NRG3: variants seen among roughly 807,000 people sequenced by gnomAD.
NRG3 encodes neuregulin 3.
A neutral mutation model predicts 66.9 loss-of-function variants in NRG3; 31 were observed. The ratio of observed to expected loss-of-function variants is 0.46; its 90% CI spans 0.35 to 0.63. NRG3 has a LOEUF of 0.63. Ranked by LOEUF, NRG3 falls within the 20% of genes least tolerant of loss-of-function variation. The pLI, the probability that NRG3 is intolerant of heterozygous loss-of-function variation, is 0.00. For synonymous variants in NRG3, 393 were observed against 359.4 expected (o/e 1.09, Z -1.06); for missense variants, 910 against 878.9 (o/e 1.04, Z -0.45).
chr10:82,644,960 A>G (rs1213645971), intron 2 of NRG3, among the ~76,000 whole-genome samples: 1 of 152,138 alleles, frequency 6.6e-6, no homozygotes, highest in South Asian at 2.1e-4. Context: ...GGTGAACTCT[A>G]CTAGACGATG....
chr10:81,933,107 CAAAA>C (rs769607380), intron 1 of NRG3, among the ~76,000 whole-genome samples: 1 of 59,512 alleles, frequency 1.7e-5, no homozygotes, highest in African/African-American at 5.1e-5. Context: ...CGCTCCATCT[CAAAA>C]AAAAAAAAAA....
At chr10:82,703,892 A>G (rs1270211933) in intron 2 of NRG3, among the ~76,000 whole-genome samples, 1 of 152,082 alleles carries the variant, frequency 6.6e-6, no homozygotes, top group Non-Finnish European at 1.5e-5. Context: ...ACTGTATTCC[A>G]TACTGTTATT....
intron 1 of NRG3, among the ~76,000 whole-genome samples, chr10:82,105,223 T>C (rs552712570): frequency 7.2e-5 from 11 of 152,282 alleles, no homozygotes; most frequent in African/African-American, 2.6e-4. Context: ...ATTATAGAAT[T>C]GGCAGATTCA....
intron 2 of NRG3, among the ~76,000 whole-genome samples, chr10:82,601,829 G>T (rs1254152509): frequency 1.4e-5 from 2 of 144,596 alleles, no homozygotes; most frequent in Non-Finnish European, 3.0e-5. Flanking sequence ...GGGCAACACA[G>T]TAAGACAACC....
At chr10:82,148,508 A>AT (rs1213856483) in intron 1 of NRG3, among the ~76,000 whole-genome samples, 10 of 150,782 alleles carry the variant, frequency 6.6e-5, no homozygotes, top group Admixed American at 5.3e-4. Flanking sequence ...ATCTTGTCTT[A>AT]TTTTTTTTTC....
chr10:81,941,413 T>C (rs1173618190), intron 1 of NRG3, among the ~76,000 whole-genome samples: 2 of 152,162 alleles, frequency 1.3e-5, no homozygotes, highest in Non-Finnish European at 2.9e-5. Context: ...GAGAGGAAGA[T>C]GGATGATTCT....
intron 1 of NRG3, among the ~76,000 whole-genome samples, chr10:82,296,890 G>A (rs1040038740): frequency 6.6e-6 from 1 of 151,946 alleles, no homozygotes; most frequent in African/African-American, 2.4e-5. Context: ...AACAGTGAAC[G>A]TAGTACCCAG....
At chr10:82,078,764 A>G (rs1284207619) in intron 1 of NRG3, among the ~76,000 whole-genome samples, 1 of 152,220 alleles carries the variant, frequency 6.6e-6, no homozygotes, top group East Asian at 1.9e-4. Flanking sequence ...GAAGTATTTC[A>G]TGATGCGAAA....
At chr10:82,670,527 T>G (rs1273037650) in intron 2 of NRG3, among the ~76,000 whole-genome samples, 1 of 152,160 alleles carries the variant, frequency 6.6e-6, no homozygotes, top group African/African-American at 2.4e-5. Context: ...CTGCTCTTTA[T>G]CAAACCTGTA....
intron 1 of NRG3, among the ~76,000 whole-genome samples, chr10:82,112,499 C>T (rs371972714): frequency 3.9e-5 from 6 of 152,214 alleles, no homozygotes; most frequent in Non-Finnish European, 7.4e-5. Flanking sequence ...TTAAACTCCA[C>T]AGGAGGCAGT....
At chr10:82,786,488 C>G (rs7894932) in intron 3 of NRG3, among the ~76,000 whole-genome samples, 6 of 152,074 alleles carry the variant, frequency 3.9e-5, no homozygotes, top group Admixed American at 2.0e-4. Context: ...GCCTGCCCCC[C>G]CATTGTGTTT....
chr10:81,929,242 A>G (rs967115706), intron 1 of NRG3, among the ~76,000 whole-genome samples: 5 of 151,990 alleles, frequency 3.3e-5, no homozygotes, highest in African/African-American at 7.3e-5. Context: ...TGTGCAGACA[A>G]CCTCCCTCTC....
intron 2 of NRG3, among the ~76,000 whole-genome samples, chr10:82,570,301 C>T (rs866498769): frequency 3.3e-5 from 5 of 151,688 alleles, no homozygotes; most frequent in South Asian, 2.1e-4. Flanking sequence ...CTTCTGTAGC[C>T]TCATCTCCTG....
chr10:81,995,639 A>G (rs942108930), intron 1 of NRG3, among the ~76,000 whole-genome samples: 4 of 152,184 alleles, frequency 2.6e-5, no homozygotes, highest in Non-Finnish European at 5.9e-5. Flanking sequence ...TTTGCCTTAC[A>G]GTTTAAGGAT....
intron 4 of NRG3, among the ~76,000 whole-genome samples, chr10:82,877,371 C>CTTTTT (rs59994503): frequency 5.1e-5 from 4 of 78,998 alleles, no homozygotes; most frequent in Non-Finnish European, 6.8e-5. Flanking sequence ...ATAGGGCAGA[C>CTTTTT]TTTTTTTTTT....
intron 7 of NRG3, among the ~76,000 whole-genome samples, chr10:82,977,244 T>G (rs1564687324): frequency 6.6e-6 from 1 of 152,122 alleles, no homozygotes; most frequent in South Asian, 2.1e-4. Context: ...AGAGAGCTTC[T>G]CCAACTTGTG....
At chr10:82,211,424 C>G (rs1422194624) in intron 1 of NRG3, among the ~76,000 whole-genome samples, 1 of 151,890 alleles carries the variant, frequency 6.6e-6, no homozygotes, top group Non-Finnish European at 1.5e-5. Flanking sequence ...TGTTGTCTTC[C>G]TCCTCTTCTT....
chr10:82,585,940 C>T (rs759151374), intron 2 of NRG3, among the ~76,000 whole-genome samples: 4 of 152,004 alleles, frequency 2.6e-5, no homozygotes, highest in Admixed American at 1.3e-4. Context: ...TTAAAAACTG[C>T]GTTAATATTC....
intron 1 of NRG3, among the ~76,000 whole-genome samples, chr10:82,309,299 T>C (rs781016994): frequency 3.9e-5 from 6 of 152,184 alleles, no homozygotes; most frequent in African/African-American, 7.2e-5. Context: ...AATTAATTGG[T>C]ACTAGTTTTT....
Sources: gnomAD v4.1 joint callset for allele counts (sites outside exome capture counted in the v4.1 genomes callset) on GRCh38, gnomAD v4.1.1 for gene constraint, MANE v1.5 for transcripts, NCBI Gene and HGNC (gene_info 2026-07-23, HGNC 2026-07-21) for gene names.